GPM6A: variants seen among roughly 807,000 people sequenced by gnomAD.
GPM6A encodes neuronal membrane glycoprotein M6-a.
Under a neutral mutation model 32.1 loss-of-function variants are expected in GPM6A, and 7 were observed. The ratio of observed to expected loss-of-function variants is 0.22; its 90% CI spans 0.12 to 0.41. The LOEUF is 0.41. GPM6A is among the 10% of genes least tolerant of loss of function. The pLI is 1.00. For synonymous variants in GPM6A, 130 were observed against 123.4 expected, an observed-to-expected ratio of 1.05 and a Z score of -0.35; for missense variants, 235 against 347.2, an observed-to-expected ratio of 0.68 and a Z score of 2.57.
chr4:175,798,886 T>C (rs993390275), intron 1 of GPM6A, among the ~76,000 whole-genome samples: 75 of 152,190 alleles, frequency 4.9e-4, no homozygotes, highest in African/African-American at 1.6e-3. Context: ...AATGCATTTT[T>C]TATATTGCAC....
intron 2 of GPM6A, among the ~76,000 whole-genome samples, chr4:175,685,093 A>G (rs1225111103): frequency 6.6e-6 from 1 of 151,904 alleles, no homozygotes; most frequent in Non-Finnish European, 1.5e-5. Flanking sequence ...GTTTCACCAC[A>G]TAAGCCAGGA....
At chr4:175,767,648 A>G (rs1458024441) in intron 1 of GPM6A, among the ~76,000 whole-genome samples, 8 of 152,256 alleles carry the variant, frequency 5.3e-5, no homozygotes, top group African/African-American at 2.4e-5. Context: ...ATGTGGCTGT[A>G]GTTATGGCTT....
chr4:175,986,652 C>A (rs1740984838), intron 1 of GPM6A, among the ~76,000 whole-genome samples: 1 of 152,212 alleles, frequency 6.6e-6, no homozygotes, highest in African/African-American at 2.4e-5. Context: ...TGTTTATAAT[C>A]TCCCATGTAT....
At chr4:175,886,326 A>G (rs982210098) in intron 1 of GPM6A, among the ~76,000 whole-genome samples, 2 of 152,242 alleles carry the variant, frequency 1.3e-5, no homozygotes, top group African/African-American at 4.8e-5. Context: ...ACAAAGCAGC[A>G]ATGTAATCCA....
intron 1 of GPM6A, among the ~76,000 whole-genome samples, chr4:175,793,407 C>T (rs577547681): frequency 1.4e-4 from 22 of 152,100 alleles, no homozygotes; most frequent in East Asian, 7.7e-4. Flanking sequence ...GATGGTGTTT[C>T]GCTCTGTCCC....
chr4:175,851,899 G>A (rs183474099), intron 1 of GPM6A, among the ~76,000 whole-genome samples: 3 of 144,998 alleles, frequency 2.1e-5, no homozygotes, highest in African/African-American at 7.6e-5. Context: ...GACACATGTC[G>A]GTGGTGCCTT....
chr4:175,738,748 C>T (rs1470516595), intron 1 of GPM6A, among the ~76,000 whole-genome samples: 1 of 152,092 alleles, frequency 6.6e-6, no homozygotes, highest in African/African-American at 2.4e-5. Context: ...TCTAAAGGAA[C>T]AATGTGTTCA....
chr4:175,764,153 T>C (rs1732865963), intron 1 of GPM6A, among the ~76,000 whole-genome samples: 1 of 152,198 alleles, frequency 6.6e-6, no homozygotes, highest in Non-Finnish European at 1.5e-5. Context: ...TTTGTATCCA[T>C]TAAGCAGTCC....
At chr4:175,927,622 C>T (rs960005131) in intron 1 of GPM6A, among the ~76,000 whole-genome samples, 4 of 152,226 alleles carry the variant, frequency 2.6e-5, no homozygotes, top group South Asian at 2.1e-4. Flanking sequence ...CGGTGGCTCA[C>T]GCCTGTAATC....
chr4:175,872,215 G>A (rs1385316956), intron 1 of GPM6A, among the ~76,000 whole-genome samples: 1 of 152,100 alleles, frequency 6.6e-6, no homozygotes, highest in Non-Finnish European at 1.5e-5. Context: ...TGTGGCTCAT[G>A]CCTTTCAGTT....
chr4:175,973,040 A>G (rs369247233), intron 1 of GPM6A, among the ~76,000 whole-genome samples: 1 of 152,346 alleles, frequency 6.6e-6, no homozygotes. Flanking sequence ...AAGTGTGTCC[A>G]TAACAGTGAA....
At chr4:175,970,218 T>G (rs182043824) in intron 1 of GPM6A, among the ~76,000 whole-genome samples, 163 of 152,314 alleles carry the variant, frequency 1.1e-3, no homozygotes, top group Admixed American at 7.7e-3. Context: ...GAAATCTGAT[T>G]TTTTGGCTTT....
intron 1 of GPM6A, among the ~76,000 whole-genome samples, chr4:175,859,979 T>G (rs998363237): frequency 6.6e-6 from 1 of 152,110 alleles, no homozygotes; most frequent in African/African-American, 2.4e-5. Flanking sequence ...TGAGACCATT[T>G]TAAACTATTT....
At chr4:175,724,467 C>A (rs1380637282) in intron 1 of GPM6A, among the ~76,000 whole-genome samples, 3 of 152,104 alleles carry the variant, frequency 2.0e-5, no homozygotes. Context: ...ATCGCTTGAA[C>A]CCAGAAGGCG....
At chr4:175,882,666 T>C (rs1737318437) in intron 1 of GPM6A, among the ~76,000 whole-genome samples, 1 of 152,112 alleles carries the variant, frequency 6.6e-6, no homozygotes, top group East Asian at 1.9e-4. Context: ...ATATATATAG[T>C]ATAAACCAGG....
intron 1 of GPM6A, among the ~76,000 whole-genome samples, chr4:175,968,403 CATGA>C (rs1740396519): frequency 6.6e-6 from 1 of 152,060 alleles, no homozygotes; most frequent in African/African-American, 2.4e-5. Flanking sequence ...ACATATGACT[CATGA>C]AAGAAAATAT....
intron 1 of GPM6A, among the ~76,000 whole-genome samples, chr4:175,986,569 G>T (rs770277874): frequency 6.6e-5 from 10 of 152,024 alleles, no homozygotes; most frequent in Admixed American, 5.9e-4. Flanking sequence ...AAGAAAAAGA[G>T]ACTTTTAAAT....
intron 1 of GPM6A, among the ~76,000 whole-genome samples, chr4:175,923,627 C>T (rs1344963552): frequency 6.6e-6 from 1 of 151,980 alleles, no homozygotes; most frequent in African/African-American, 2.4e-5. Flanking sequence ...GAGCTTGGCT[C>T]ACTGCAGCCT....
chr4:175,652,007 G>T lies in GPM6A; in HGVS notation c.388-20C>A. ...AATGAACTGCAAAAGAGAAAGAAAT[G>T]GAGAGAGAAAATGTAATCTACCAAA... On this transcript the variant is annotated intron_variant, in intron 3 of 6. Coordinates refer to ENST00000393658, the MANE Select transcript of GPM6A (RefSeq NM_201591.3). The T allele has an allele frequency of 6.3e-7, 1 of 1,586,422 alleles. No individual in the cohort carries two copies. Among genetic ancestry groups the T allele is most frequent in the Non-Finnish European group, 8.6e-7 (1 of 1,166,900 alleles).
Sources: gnomAD v4.1 joint callset for allele counts (sites outside exome capture counted in the v4.1 genomes callset) on GRCh38, gnomAD v4.1.1 for gene constraint, MANE v1.5 for transcripts, NCBI Gene and HGNC (gene_info 2026-07-23, HGNC 2026-07-21) for gene names.